The following PCLO variants were observed in gnomAD, a reference collection of about 807,000 sequenced individuals.
The protein encoded by PCLO is piccolo presynaptic cytomatrix protein.
Under a neutral mutation model 427.5 loss-of-function variants are expected in PCLO, and 82 were observed. The observed-to-expected ratio is 0.19, with a 90% CI of 0.16 to 0.23. The LOEUF is 0.23. PCLO is among the 10% of genes least tolerant of loss of function. PCLO has a pLI of 1.00. For synonymous variants in PCLO, 2,357 were observed against 2,155.4 expected (o/e 1.09, Z -2.59); for missense variants, 6,239 against 6,115.9 (o/e 1.02, Z -0.67).
rs2116416326 is a variant in PCLO at position 82,949,606 on chromosome 7, A to G, written c.10982T>C (p.Met3661Thr). Reference sequence around the variant, plus strand: ...AGGACTTGCTGGGGGAACTTTAGCCATATCTGGATGCAGTACTTTCTGTGG... The same window carrying G: ...AGGACTTGCTGGGGGAACTTTAGCCGTATCTGGATGCAGTACTTTCTGTGG... ...ISPQKVLHPD[M>T]AKVPPASPKT... The change falls in exon 6 of 25, where the codon ATG becomes ACG. Residue 3661 changes from methionine (M) to threonine (T), a missense_variant. Met to Thr is a moderately conservative substitution (Grantham distance 81). Transcript: ENST00000333891. The G allele has an allele frequency of 6.2e-7, 1 of 1,613,916 alleles. No individual in the cohort carries two copies. Among genetic ancestry groups the G allele is most frequent in the Admixed American group, 1.7e-5 (1 of 59,998 alleles).
At chr7:82,885,026 A>T (rs1316231845) in intron 9 of PCLO, among the ~76,000 whole-genome samples, 1 of 152,144 alleles carries the variant, frequency 6.6e-6, no homozygotes, top group Non-Finnish European at 1.5e-5. Context: ...TGTGGCAGAA[A>T]TACTCTATCA....
chr7:83,112,402 G>T (rs778933385), intron 3 of PCLO, among the ~76,000 whole-genome samples: 4 of 152,004 alleles, frequency 2.6e-5, no homozygotes, highest in African/African-American at 9.7e-5. Context: ...TAACAATCTA[G>T]CTACTGGGTA....
At chr7:82,835,276 C>T (rs17156737) in intron 16 of PCLO, among the ~76,000 whole-genome samples, 1 of 151,840 alleles carries the variant, frequency 6.6e-6, no homozygotes, top group African/African-American at 2.4e-5. Flanking sequence ...TCCAGAAGAC[C>T]CATTAATTAC....
chr7:82,962,004 T>C (rs1795666187), intron 4 of PCLO, among the ~76,000 whole-genome samples: 1 of 152,206 alleles, frequency 6.6e-6, no homozygotes, highest in African/African-American at 2.4e-5. Flanking sequence ...TTACAAGCTT[T>C]TCATCAGTTT....
At chr7:82,965,544 A>G (rs1271172342) in intron 4 of PCLO, among the ~76,000 whole-genome samples, 1 of 152,144 alleles carries the variant, frequency 6.6e-6, no homozygotes, top group African/African-American at 2.4e-5. Context: ...TAGGCATAAG[A>G]AACAGGGAAA....
chr7:82,860,985 A>C (rs1034282843), intron 10 of PCLO, among the ~76,000 whole-genome samples: 3 of 152,116 alleles, frequency 2.0e-5, no homozygotes, highest in African/African-American at 7.2e-5. Context: ...AATAAAAAGC[A>C]AAAACTAAAT....
chr7:82,828,553 T>A (rs1792010489), intron 16 of PCLO, among the ~76,000 whole-genome samples: 1 of 152,204 alleles, frequency 6.6e-6, no homozygotes, highest in Non-Finnish European at 1.5e-5. Context: ...TATTTTACAA[T>A]TGATGAACCA....
intron 8 of PCLO, among the ~76,000 whole-genome samples, chr7:82,908,263 G>T (rs1364332868): frequency 5.9e-5 from 9 of 152,066 alleles, no homozygotes; most frequent in Admixed American, 5.9e-4. Context: ...ATGAATTTTG[G>T]TATCATATTT....
chr7:83,079,208 A>G (rs1163510814), intron 3 of PCLO, among the ~76,000 whole-genome samples: 2 of 152,188 alleles, frequency 1.3e-5, no homozygotes, highest in African/African-American at 4.8e-5. Context: ...ATGAATACCA[A>G]TACATGCAAC....
At chr7:82,868,841 T>G (rs1793160312) in intron 10 of PCLO, among the ~76,000 whole-genome samples, 1 of 152,180 alleles carries the variant, frequency 6.6e-6, no homozygotes, top group African/African-American at 2.4e-5. Context: ...TTTTCTAAAT[T>G]TATCAATTAT....
At chr7:83,106,874 T>C (rs1584032938) in intron 3 of PCLO, among the ~76,000 whole-genome samples, 2 of 152,270 alleles carry the variant, frequency 1.3e-5, no homozygotes, top group Non-Finnish European at 2.9e-5. Context: ...ATTAGTGACA[T>C]TCAAAAATTC....
At chr7:83,111,667 C>G (rs963680641) in intron 3 of PCLO, among the ~76,000 whole-genome samples, 6 of 152,256 alleles carry the variant, frequency 3.9e-5, no homozygotes, top group Admixed American at 6.5e-5. Flanking sequence ...AACTAGACCT[C>G]GAGTGCAGTC....
chr7:82,902,599 C>G lies in PCLO; in HGVS notation c.13528+52G>C. 9 of 1,043,388 alleles carry G rather than the reference C, an allele frequency of 8.6e-6. No individual in the cohort carries two copies. The South Asian group carries it at 1.2e-4, about 14-fold the overall frequency. The allele number at this position is 1,043,388 out of a possible 1,614,324, so 64.6% of individuals were successfully genotyped here. A position where few individuals can be genotyped will look rare whatever the true frequency, so the allele number is the denominator to read the frequency against. On this transcript the variant is annotated intron_variant, in intron 9 of 24. Transcript: ENST00000333891. ...AATAATAAAAAAATGCAAAACAAAA[C>G]AAAACAAAACAAAAAAACAAAAAAA...
intron 3 of PCLO, among the ~76,000 whole-genome samples, chr7:83,105,784 G>C (rs186242731): frequency 1.8e-3 from 270 of 152,306 alleles, no homozygotes; most frequent in African/African-American, 6.2e-3. Context: ...CATGAACCAA[G>C]AAAGATTGTA....
At chr7:82,846,060 T>C (rs1792493013) in intron 12 of PCLO, among the ~76,000 whole-genome samples, 1 of 152,092 alleles carries the variant, frequency 6.6e-6, no homozygotes, top group African/African-American at 2.4e-5. Context: ...TTTAACAAAT[T>C]TGTAGATTAT....
intron 3 of PCLO, among the ~76,000 whole-genome samples, chr7:83,024,284 C>A (rs1788423767): frequency 6.6e-6 from 1 of 152,180 alleles, no homozygotes; most frequent in Admixed American, 6.5e-5. Context: ...GAGGCATTGC[C>A]TCACTCGGGA....
intron 7 of PCLO, among the ~76,000 whole-genome samples, chr7:82,909,766 C>T (rs551006673): frequency 3.3e-5 from 5 of 151,938 alleles, no homozygotes; most frequent in African/African-American, 1.2e-4. Flanking sequence ...ATTAAAAATA[C>T]CTCTATTGTA....
chr7:82,976,854 T>C lies in PCLO; in HGVS notation c.3301-10367A>G, dbSNP rs1024479946. On this transcript the variant is annotated intron_variant, in intron 3 of 24. Coordinates refer to ENST00000333891, the MANE Select transcript of PCLO (RefSeq NM_033026.6). ...AACATCATATTGTACCACATAAACATATACAATTATAATTGTTTATTTTTT... is the reference window on the plus strand; with the variant it reads ...AACATCATATTGTACCACATAAACACATACAATTATAATTGTTTATTTTTT... Among the ~76,000 whole-genome samples the C allele has an allele frequency of 4.6e-5, 7 of 152,184 alleles. No individual in the cohort carries two copies. The South Asian group carries it at 1.2e-3, about 27-fold the overall frequency.
chr7:83,150,521 C>T (rs1283059919), intron 2 of PCLO, among the ~76,000 whole-genome samples: 1 of 152,076 alleles, frequency 6.6e-6, no homozygotes, highest in Non-Finnish European at 1.5e-5. Context: ...AGGGTTGGGT[C>T]GGGGAGTGAT....
Sources: gnomAD v4.1 joint callset for allele counts (sites outside exome capture counted in the v4.1 genomes callset) on GRCh38, gnomAD v4.1.1 for gene constraint, MANE v1.5 for transcripts, NCBI Gene and HGNC (gene_info 2026-07-23, HGNC 2026-07-21) for gene names.